The following RSPO2 variants were observed in gnomAD, a reference collection of about 807,000 sequenced individuals.
RSPO2 encodes the protein R-spondin 2, also known as R-spondin-2.
RSPO2 carries 14 observed loss-of-function variants against 30.9 expected under a neutral mutation model. The ratio of observed to expected loss-of-function variants is 0.45; its 90% CI spans 0.30 to 0.71. The LOEUF (loss-of-function observed/expected upper bound fraction) is 0.71. RSPO2 is among the 30% of genes least tolerant of loss of function. RSPO2 has a pLI of 0.08. For synonymous variants in RSPO2, 107 were observed against 96.4 expected, an observed-to-expected ratio of 1.11 and a Z score of -0.64; for missense variants, 264 against 301.9, an observed-to-expected ratio of 0.87 and a Z score of 0.93.
intron 2 of RSPO2, among the ~76,000 whole-genome samples, chr8:108,060,227 A>G (rs925104347): frequency 5.9e-5 from 9 of 151,812 alleles, no homozygotes; most frequent in Non-Finnish European, 1.2e-4. Flanking sequence ...CAGACGATCA[A>G]ACTTCTCCAA....
chr8:107,920,203 T>C (rs958284684), intron 5 of RSPO2, among the ~76,000 whole-genome samples: 1 of 152,146 alleles, frequency 6.6e-6, no homozygotes. Context: ...AGACTTTAAT[T>C]ACTATGGCTA....
At chr8:108,012,309 T>C (rs1430392010) in intron 2 of RSPO2, among the ~76,000 whole-genome samples, 2 of 152,180 alleles carry the variant, frequency 1.3e-5, no homozygotes, top group African/African-American at 2.4e-5. Context: ...ACTTTCCTCA[T>C]CCCACACCTT....
intron 2 of RSPO2, among the ~76,000 whole-genome samples, chr8:108,053,918 A>C (rs138079580): frequency 5.6e-4 from 85 of 152,296 alleles, no homozygotes; most frequent in African/African-American, 1.9e-3. Context: ...AGAAAATTTA[A>C]AATAAGCTAA....
intron 2 of RSPO2, among the ~76,000 whole-genome samples, chr8:108,063,369 C>T (rs1187402847): frequency 6.6e-6 from 1 of 151,820 alleles, no homozygotes; most frequent in Non-Finnish European, 1.5e-5. Flanking sequence ...AAATCACAAG[C>T]ATTCTTATAC....
At chr8:108,049,497 AT>A (rs1394617499) in intron 2 of RSPO2, among the ~76,000 whole-genome samples, 1 of 151,670 alleles carries the variant, frequency 6.6e-6, no homozygotes, top group Non-Finnish European at 1.5e-5. Context: ...TTAACCCATT[AT>A]CTAGGTTTTA....
chr8:108,014,611 G>C (rs573436075), intron 2 of RSPO2, among the ~76,000 whole-genome samples: 5 of 151,800 alleles, frequency 3.3e-5, no homozygotes, highest in African/African-American at 1.2e-4. Flanking sequence ...ACTAAACACC[G>C]CATGTTCTCA....
chr8:107,965,538 C>T (rs958657494), intron 3 of RSPO2, among the ~76,000 whole-genome samples: 2 of 152,088 alleles, frequency 1.3e-5, no homozygotes, highest in Non-Finnish European at 2.9e-5. Flanking sequence ...GAGGGGTCCA[C>T]GTGGCACTAA....
chr8:107,982,966 T>C (rs1814500842), intron 3 of RSPO2: 1 of 489,210 alleles, frequency 2.0e-6, no homozygotes, highest in Non-Finnish European at 3.5e-6. Context: ...TTAGTATAAA[T>C]AGTGTTGGCT....
chr8:107,940,266 T>C (rs1164647286), intron 5 of RSPO2, among the ~76,000 whole-genome samples: 3 of 151,832 alleles, frequency 2.0e-5, no homozygotes, highest in African/African-American at 4.8e-5. Context: ...GAACTCAAAA[T>C]GTAAAACACC....
intron 5 of RSPO2, among the ~76,000 whole-genome samples, chr8:107,927,886 T>C (rs1812435741): frequency 6.6e-6 from 1 of 152,116 alleles, no homozygotes; most frequent in Admixed American, 6.6e-5. Context: ...ATTACAGATG[T>C]GCAACTAAGG....
rs535983661 is a variant in RSPO2 at position 107,918,621 on chromosome 8, C to T, written c.617-17431G>A. On this transcript the variant is annotated intron_variant, in intron 5 of 5. Coordinates refer to ENST00000276659, the MANE Select transcript of RSPO2 (RefSeq NM_178565.5). ...AGAATTTACCCAGCTCCTAAGTATT[C>T]GAGGATACAAACCCATGGCTAGCCT... Among the ~76,000 whole-genome samples the T allele has an allele frequency of 4.2e-3, 634 of 152,168 alleles. 5 individuals carry two copies. The highest frequency in any genetic ancestry group is 0.014 in the African/African-American group (569 of 41,526).
chr8:107,960,338 A>G (rs1290046244), intron 4 of RSPO2, among the ~76,000 whole-genome samples: 1 of 152,078 alleles, frequency 6.6e-6, no homozygotes, highest in East Asian at 1.9e-4. Context: ...CTGATGTGGT[A>G]GTGCTTAAAA....
At chr8:107,951,226 T>C (rs575346852) in intron 5 of RSPO2, among the ~76,000 whole-genome samples, 1 of 152,114 alleles carries the variant, frequency 6.6e-6, no homozygotes, top group Non-Finnish European at 1.5e-5. Flanking sequence ...CAGATAATTT[T>C]TGTATTTTTA....
intron 2 of RSPO2, chr8:107,997,062 C>A: frequency 4.5e-6 from 1 of 220,180 alleles, no homozygotes. Context: ...AGGACAAGAG[C>A]CCATGTGATT....
intron 2 of RSPO2, among the ~76,000 whole-genome samples, chr8:108,002,997 A>G (rs529733061): frequency 6.6e-6 from 1 of 152,094 alleles, no homozygotes; most frequent in African/African-American, 2.4e-5. Context: ...AATGTTAACA[A>G]AAATCAGAAT....
At chr8:107,991,226 A>G (rs1201008810) in intron 2 of RSPO2, among the ~76,000 whole-genome samples, 1 of 150,110 alleles carries the variant, frequency 6.7e-6, no homozygotes, top group Non-Finnish European at 1.5e-5. Flanking sequence ...CAGCCTGGGC[A>G]ACAGGAGTGA....
At chr8:107,901,947 G>T (rs661555) in intron 5 of RSPO2, among the ~76,000 whole-genome samples, 100,789 of 152,106 alleles carry the variant, frequency 0.66, 35,514 homozygotes, top group East Asian at 0.9. Context: ...TTTTCCTCCA[G>T]CAGGAATTTT....
At chr8:108,055,986 G>A (rs188672831) in intron 2 of RSPO2, among the ~76,000 whole-genome samples, 1 of 152,256 alleles carries the variant, frequency 6.6e-6, no homozygotes, top group East Asian at 1.9e-4. Flanking sequence ...TCTGAACTTA[G>A]ACAAACCATT....
chr8:107,912,447 G>A (rs1321749334), intron 5 of RSPO2, among the ~76,000 whole-genome samples: 2 of 152,092 alleles, frequency 1.3e-5, no homozygotes, highest in African/African-American at 2.4e-5. Context: ...TTCCAGTGTG[G>A]GGAGGCACAC....
Sources: gnomAD v4.1 joint callset for allele counts (sites outside exome capture counted in the v4.1 genomes callset) on GRCh38, gnomAD v4.1.1 for gene constraint, MANE v1.5 for transcripts, NCBI Gene and HGNC (gene_info 2026-07-23, HGNC 2026-07-21) for gene names.